Variants in ACSL4 observed in about 807,000 individuals in gnomAD.
The protein encoded by ACSL4 is long-chain-fatty-acid--CoA ligase 4.
ACSL4 carries 9 observed loss-of-function variants against 49.1 expected under a neutral mutation model. That is an observed-to-expected ratio of 0.18 (90% CI 0.11 to 0.32). The LOEUF (loss-of-function observed/expected upper bound fraction) is 0.32. ACSL4 is among the 10% of genes least tolerant of loss of function. The pLI is 1.00. For synonymous variants in ACSL4, 191 were observed against 170.3 expected (o/e 1.12, Z -0.95); for missense variants, 333 against 493.7 (o/e 0.67, Z 3.08).
At chrX:109,728,991 A>C (rs1345583606) in intron 1 of ACSL4, among the ~76,000 whole-genome samples, 1 of 109,674 alleles carries the variant, frequency 9.1e-6, no homozygotes, top group Non-Finnish European at 1.9e-5. Context: ...CGGGTGGATC[A>C]TGAGGTCAGG....
Position 109,644,176 on chromosome X carries a change from C to T in ACSL4, c.1866G>A (p.Glu622=). Residue 622 remains glutamate (E), a synonymous_variant, in exon 16 of 16, where the codon GAG becomes GAA. Coordinates refer to ENST00000672401, the MANE Select transcript of ACSL4 (RefSeq NM_001318510.2). ...GAACCTTGATTGGAATTTCAAATCG[C>T]TCCAATTTCACTGAAATTAGAAGTG... ...IREAANAMKL[E]RFEIPIKVRL... 8.3e-7 allele frequency: 1 copy of T among 1,205,282 alleles called. No homozygotes were observed.
chrX:109,713,539 C>T lies in ACSL4; in HGVS notation c.-65-17343G>A, dbSNP rs771608868. On this transcript the variant is annotated intron_variant, in intron 1 of 15. Coordinates refer to ENST00000672401, the MANE Select transcript of ACSL4 (RefSeq NM_001318510.2). Reference sequence around the variant, plus strand: ...ATCTTTTTCAAGCTATTAGGTTGAACCACATAAAATTGCCAATAGTAAAAA... The same window carrying T: ...ATCTTTTTCAAGCTATTAGGTTGAATCACATAAAATTGCCAATAGTAAAAA... Among the ~76,000 whole-genome samples the T allele has an allele frequency of 3.6e-3, 395 of 110,693 alleles. 3 individuals are homozygous for T. Among genetic ancestry groups the T allele is most frequent in the African/African-American group, 0.012 (361 of 30,376 alleles).
chrX:109,709,943 T>C (rs910222707), intron 1 of ACSL4, among the ~76,000 whole-genome samples: 2 of 111,023 alleles, frequency 1.8e-5, no homozygotes, highest in Admixed American at 9.6e-5. Flanking sequence ...CCGTCTCTAC[T>C]AAAAACACAA....
At position 109,671,209 on chromosome X, in the gene ACSL4, G is replaced by C. The variant is rs182174150; in HGVS notation, c.1003-2036C>G. Among the ~76,000 whole-genome samples, 23 of 109,686 alleles carry C rather than the reference G, an allele frequency of 2.1e-4. No individual in the cohort carries two copies. In the East Asian group the frequency reaches 6.4e-3, roughly 31 times the overall value. Reference sequence around the variant, plus strand: ...GTCTCTGCCCAGCCGCCCATCCTCTGGGATGTGGGGAGCACCTCTGCCCTG... The same window carrying C: ...GTCTCTGCCCAGCCGCCCATCCTCTCGGATGTGGGGAGCACCTCTGCCCTG... On this transcript the variant is annotated intron_variant, in intron 9 of 15. Coordinates refer to ENST00000672401, the MANE Select transcript of ACSL4 (RefSeq NM_001318510.2).
intron 9 of ACSL4, among the ~76,000 whole-genome samples, chrX:109,670,993 C>T (rs878958260): frequency 2.7e-5 from 3 of 112,437 alleles, no homozygotes; most frequent in African/African-American, 6.4e-5. Flanking sequence ...ACCTCCCAGC[C>T]GCCTGCCTTG....
intron 1 of ACSL4, among the ~76,000 whole-genome samples, chrX:109,729,147 A>C (rs981012426): frequency 1.8e-5 from 2 of 110,885 alleles, no homozygotes; most frequent in African/African-American, 6.5e-5. Flanking sequence ...TGAATCTGGG[A>C]GGCAGAGCTT....
intron 15 of ACSL4, among the ~76,000 whole-genome samples, chrX:109,647,380 C>T (rs955232998): frequency 1.4e-4 from 16 of 111,679 alleles, no homozygotes; most frequent in Non-Finnish European, 2.4e-4. Context: ...CACTCAAAAC[C>T]GGTCAACTAC....
chrX:109,716,962 C>A (rs1465638906), intron 1 of ACSL4, among the ~76,000 whole-genome samples: 2 of 112,249 alleles, frequency 1.8e-5, no homozygotes, highest in East Asian at 5.6e-4. Context: ...TATCCTTTTG[C>A]AGCTATTTCT....
At chrX:109,649,104 G>A (rs1284248574) in intron 15 of ACSL4, among the ~76,000 whole-genome samples, 9 of 110,902 alleles carry the variant, frequency 8.1e-5, no homozygotes, top group African/African-American at 3.0e-4. Flanking sequence ...CACTGCCCAA[G>A]GTAATTTACG....
Position 109,678,109 on chromosome X carries a change from G to A in ACSL4, c.809C>T (p.Pro270Leu), listed in dbSNP as rs753354212. 42 of 1,211,044 alleles carry A rather than the reference G, an allele frequency of 3.5e-5. No individual in the cohort carries two copies. In the South Asian group the frequency reaches 3.5e-4, roughly 10 times the overall value. Reference sequence around the variant, plus strand: ...CAAGTAGCCAATATATGTGTCCTTCGGTCTAAAACAAAATAAGAGAAATAT... The same window carrying A: ...CAAGTAGCCAATATATGTGTCCTTCAGTCTAAAACAAAATAAGAGAAATAT... ...GQCERIPGLG[P>L]KDTYIGYLPL... Residue 270 changes from proline to leucine, a missense_variant and splice_region_variant, in exon 8 of 16, where the codon CCG (proline) becomes CTG (leucine). Physicochemically the swap from Pro to Leu is moderately conservative, Grantham distance 98. Transcript: ENST00000672401.
At chrX:109,713,456 G>A (rs1292338421) in intron 1 of ACSL4, among the ~76,000 whole-genome samples, 1 of 111,857 alleles carries the variant, frequency 8.9e-6, no homozygotes, top group East Asian at 2.8e-4. Context: ...TCTAAATGCA[G>A]ATTCTCAGGG....
chrX:109,713,718 G>C (rs1173955682), intron 1 of ACSL4, among the ~76,000 whole-genome samples: 1 of 111,795 alleles, frequency 8.9e-6, no homozygotes, highest in African/African-American at 3.3e-5. Flanking sequence ...CACACAGTTG[G>C]CCTTTTACTT....
At chrX:109,711,850 G>A (rs762193830) in intron 1 of ACSL4, among the ~76,000 whole-genome samples, 1 of 111,646 alleles carries the variant, frequency 9.0e-6, no homozygotes, top group African/African-American at 3.3e-5. Context: ...TAGAGGCAGA[G>A]GTCATGTCTG....
chrX:109,677,595 A>G (rs1923821107), intron 8 of ACSL4, among the ~76,000 whole-genome samples: 1 of 109,862 alleles, frequency 9.1e-6, no homozygotes, highest in African/African-American at 3.3e-5. Context: ...CCTGGCCAAC[A>G]TGGCGAAACC....
chrX:109,726,368 A>T (rs1203400355), intron 1 of ACSL4, among the ~76,000 whole-genome samples: 1 of 112,474 alleles, frequency 8.9e-6, no homozygotes, highest in Non-Finnish European at 1.9e-5. Flanking sequence ...GGTTGCAGTG[A>T]GCCGAGATTG....
intron 8 of ACSL4, among the ~76,000 whole-genome samples, chrX:109,677,411 G>C (rs1477031644): frequency 9.0e-6 from 1 of 111,465 alleles, no homozygotes; most frequent in Non-Finnish European, 1.9e-5. Flanking sequence ...AAGGCTCATT[G>C]CATTTATATT....
rs186589205 is a variant in ACSL4, at chrX:109,715,441, C to G, written c.-66+17698G>C. ...ATCGCCTGAGGTCAGGAGTTTGAGA[C>G]CAGCCTGGTCAAGAAGGCGAAACCC... On this transcript the variant is annotated intron_variant, in intron 1 of 15. Transcript: ENST00000672401. 3.6e-5 allele frequency among the ~76,000 whole-genome samples: 4 copies of G among 110,016 alleles called. No homozygotes were observed. The East Asian group carries it at 1.1e-3, about 31-fold the overall frequency.
At chrX:109,676,817 C>A (rs1209822573) in intron 8 of ACSL4, among the ~76,000 whole-genome samples, 1 of 111,819 alleles carries the variant, frequency 8.9e-6, no homozygotes, top group Non-Finnish European at 1.9e-5. Flanking sequence ...TTTGGAGATG[C>A]CTCAGCCCCT....
At chrX:109,653,677 T>C (rs976722017) in intron 15 of ACSL4, among the ~76,000 whole-genome samples, 1 of 109,300 alleles carries the variant, frequency 9.1e-6, no homozygotes, top group Admixed American at 9.8e-5. Flanking sequence ...AAATTGGAAA[T>C]CATCATTCTC....
Sources: gnomAD v4.1 joint callset for allele counts (sites outside exome capture counted in the v4.1 genomes callset) on GRCh38, gnomAD v4.1.1 for gene constraint, MANE v1.5 for transcripts, NCBI Gene and HGNC (gene_info 2026-07-23, HGNC 2026-07-21) for gene names.